The following SHPRH variants were observed in gnomAD, a reference collection of about 807,000 sequenced individuals.
The protein encoded by SHPRH is SNF2 histone linker PHD RING helicase, also known as E3 ubiquitin-protein ligase SHPRH.
Under a neutral mutation model 202.5 loss-of-function variants are expected in SHPRH, and 106 were observed. That is an observed-to-expected ratio of 0.52 (90% CI 0.45 to 0.62). The LOEUF is 0.62. Ranked by LOEUF, SHPRH falls within the 20% of genes least tolerant of loss-of-function variation. The pLI is 0.00. For synonymous variants in SHPRH, 729 were observed against 686.0 expected, an observed-to-expected ratio of 1.06 and a Z score of -0.98; for missense variants, 1,710 against 2,020.0, an observed-to-expected ratio of 0.85 and a Z score of 2.94.
intron 16 of SHPRH, among the ~76,000 whole-genome samples, chr6:145,925,361 CACACACACAT>C (rs1438399764): frequency 6.6e-6 from 1 of 151,242 alleles, no homozygotes; most frequent in African/African-American, 2.4e-5. Flanking sequence ...CACACACACA[CACACACACAT>C]GCATGCAATA....
chr6:145,895,503 A>C (rs567058148), intron 25 of SHPRH, among the ~76,000 whole-genome samples: 1 of 151,870 alleles, frequency 6.6e-6, no homozygotes, highest in South Asian at 2.1e-4. Flanking sequence ...AGAATGAGGC[A>C]GATTCATACA....
intron 2 of SHPRH, among the ~76,000 whole-genome samples, chr6:145,875,367 C>T (rs1780254367): frequency 6.6e-6 from 1 of 152,182 alleles, no homozygotes; most frequent in East Asian, 1.9e-4. Context: ...AATTGCCTGG[C>T]CCAAAATGTC....
intron 11 of SHPRH, 60 bp from the exon 12 acceptor site, chr6:145,935,501 G>A (rs1785974766): frequency 3.2e-6 from 5 of 1,547,206 alleles, no homozygotes; most frequent in African/African-American, 1.4e-5. Flanking sequence ...CTAGTTTGCA[G>A]AAGCTTTTCT....
chr6:145,902,556 C>T (rs1310980470), intron 25 of SHPRH, among the ~76,000 whole-genome samples: 1 of 151,980 alleles, frequency 6.6e-6, no homozygotes, highest in Non-Finnish European at 1.5e-5. Flanking sequence ...TAATCCTCTC[C>T]CCTCCAGAAT....
intron 21 of SHPRH, among the ~76,000 whole-genome samples, 198 bp from the exon 22 acceptor site, chr6:145,919,689 T>C (rs1279571363): frequency 1.3e-5 from 2 of 152,182 alleles, no homozygotes; most frequent in Admixed American, 6.6e-5. Flanking sequence ...ACTGCCTCTT[T>C]AGATTCTCAG....
rs1420032880 is a variant in SHPRH, at chr6:145,894,899, G to C, written c.4594C>G (p.Leu1532Val). 1 of 1,612,662 alleles carries C rather than the reference G, an allele frequency of 6.2e-7. No individual in the cohort carries two copies. The highest frequency in any genetic ancestry group is 1.1e-5 in the South Asian group (1 of 91,004). Residue 1532 changes from leucine (L) to valine (V), a missense_variant, in exon 26 of 30, where the codon CTC becomes GTC. Coordinates refer to ENST00000275233, the MANE Select transcript of SHPRH (RefSeq NM_001042683.3). ...GTTGATTATACCGTTGAGAAAACGA[G>C]TGCTTTGGCCCCTGGATCTCTAAGC... ...IQLRDPGAKA[L>V]VFSTWQDVLD...
chr6:145,952,589 T>A (rs1011185158), intron 2 of SHPRH, 111 bp from the exon 3 acceptor site: 2 of 962,760 alleles, frequency 2.1e-6, no homozygotes, highest in Non-Finnish European at 2.9e-6. Context: ...ATTCATAGCA[T>A]GTGTGACACA....
intron 17 of SHPRH, 139 bp from the exon 18 acceptor site, chr6:145,923,924 G>A (rs1390036512): frequency 1.1e-5 from 8 of 758,272 alleles, no homozygotes; most frequent in Middle Eastern, 7.8e-4. Context: ...GAGGGGAGAC[G>A]AGTATACATA....
chr6:145,884,838 G>T lies in SHPRH; in HGVS notation c.*1853C>A, dbSNP rs1436029058. On this transcript the variant is annotated 3_prime_UTR_variant, in exon 30 of 30. Transcript: ENST00000275233. ...TTTCCACTAAAATATTTATTTAATG[G>T]ATATCTTACAGAAATAAATAAAAAC... is the stretch of plus-strand genomic sequence containing the variant. The T allele has an allele frequency of 1.3e-5, 2 of 151,920 alleles. No individual in the cohort carries two copies. The highest frequency in any genetic ancestry group is 2.9e-5 in the Non-Finnish European group (2 of 67,958). The allele number at this position is 151,920 out of a possible 1,614,324, so 9.4% of individuals were successfully genotyped here.
chr6:145,918,502 A>T (rs1216035110), intron 22 of SHPRH: 1 of 210,916 alleles, frequency 4.7e-6, no homozygotes, highest in Non-Finnish European at 9.3e-6. Flanking sequence ...AATAAACTCA[A>T]ATTCTATTAT....
chr6:145,946,422 T>C, intron 6 of SHPRH, 81 bp from the exon 7 acceptor site: 2 of 1,142,244 alleles, frequency 1.8e-6, no homozygotes, highest in Non-Finnish European at 2.4e-6. Context: ...ACTTTCCTTC[T>C]TTATGGAAAT....
At chr6:145,887,871 A>G in intron 29 of SHPRH, 149 bp downstream of exon 29, 1 of 618,768 alleles carries the variant, frequency 1.6e-6, no homozygotes, top group Admixed American at 2.9e-5. Context: ...ACTGACTGGG[A>G]AACAGTGAAA....
chr6:145,862,468 CAAAA>C (rs1234866286), downstream of SHPRH, among the ~76,000 whole-genome samples: 28 of 150,024 alleles, frequency 1.9e-4, no homozygotes, highest in Admixed American at 1.6e-3. Context: ...CAACAAAAAA[CAAAA>C]AGAAAAAACA....
At chr6:145,941,506 T>G (rs1786771774) in intron 10 of SHPRH, 117 bp downstream of exon 10, 1 of 1,467,780 alleles carries the variant, frequency 6.8e-7, no homozygotes, top group East Asian at 2.3e-5. Flanking sequence ...TAACAAACTT[T>G]TGACCAATAT....
At position 145,934,794 on chromosome 6, in the gene SHPRH, A is replaced by G. The variant is rs906385667; in HGVS notation, c.2990+113T>C. 6.4e-5 allele frequency: 64 copies of G among 1,002,430 alleles called. No homozygotes were observed. In the African/African-American group the frequency reaches 1.0e-3, roughly 16 times the overall value. The allele number at this position is 1,002,430 out of a possible 1,614,324, so 62.1% of individuals were successfully genotyped here. On this transcript the variant is annotated intron_variant, in intron 13 of 29. Transcript: ENST00000275233. ...TTCCATACCAAAGAAAACCCTCTAC[A>G]CCATTAAAGATAACTGACAACTCAG...
rs78143164 is a variant in SHPRH, at chr6:145,928,033, A to G, written c.3113-756T>C. On this transcript the variant is annotated intron_variant, in intron 14 of 29. Coordinates refer to ENST00000275233, the MANE Select transcript of SHPRH (RefSeq NM_001042683.3). ...CTTAGAATGAATTTTACATTCTTAA[A>G]TAGTTGAAAAAAATTCAAAAAAAAT... Among the ~76,000 whole-genome samples, 32 of 152,114 alleles carry G rather than the reference A, an allele frequency of 2.1e-4. No homozygotes were observed. The East Asian group carries it at 6.0e-3, about 28-fold the overall frequency.
intron 26 of SHPRH, 26 bp downstream of exon 26, chr6:145,894,859 A>G: frequency 6.2e-7 from 1 of 1,603,404 alleles, no homozygotes; most frequent in South Asian, 1.1e-5. Context: ...TCGAATTAAT[A>G]TTGAGGATGA....
At chr6:145,938,726 G>A (rs930854928) in intron 11 of SHPRH, among the ~76,000 whole-genome samples, 9 of 152,080 alleles carry the variant, frequency 5.9e-5, no homozygotes, top group Admixed American at 3.3e-4. Flanking sequence ...GGACTTAAAT[G>A]TTTAAGGAAT....
intron 25 of SHPRH, among the ~76,000 whole-genome samples, chr6:145,900,843 T>C (rs1488589533): frequency 1.3e-5 from 2 of 152,158 alleles, no homozygotes; most frequent in African/African-American, 4.8e-5. Context: ...ATATGCTGTA[T>C]TGTGATTTTT....
Sources: gnomAD v4.1 joint callset for allele counts (sites outside exome capture counted in the v4.1 genomes callset) on GRCh38, gnomAD v4.1.1 for gene constraint, MANE v1.5 for transcripts, NCBI Gene and HGNC (gene_info 2026-07-23, HGNC 2026-07-21) for gene names.